OR11A1: variants seen among roughly 807,000 people sequenced by gnomAD.
OR11A1 encodes olfactory receptor 11A1.
For missense variants in OR11A1, 380 were observed against 378.2 expected (o/e 1.00, Z -0.04); for synonymous variants, 158 against 152.2 (o/e 1.04, Z -0.28).
intron 1 of OR11A1, among the ~76,000 whole-genome samples, chr6:29,452,556 A>G (rs993222894): frequency 2.0e-5 from 3 of 152,176 alleles, no homozygotes; most frequent in Non-Finnish European, 4.4e-5. Flanking sequence ...AACAATAAAA[A>G]TGACTGCCAA....
intron 4 of OR11A1, chr6:29,428,189 C>T: frequency 1.0e-6 from 1 of 969,598 alleles, no homozygotes. Context: ...TTTCATTCCC[C>T]ATCTCCTAAT....
rs368881018 is a variant in OR11A1, at chr6:29,440,701, C to G, written c.-388-8714G>C. On this transcript the variant is annotated intron_variant, in intron 1 of 4. Coordinates refer to ENST00000377149, the MANE Select transcript of OR11A1 (RefSeq NM_001394828.1). ...CTCGTTACCATCTTCCGGATCCCAT[C>G]TGTTGCGGGCCGCCGCAAGGCCTTC... 3.1e-6 allele frequency: 5 copies of G among 1,614,052 alleles called. No homozygotes were observed. In the African/African-American group the frequency reaches 4.0e-5, roughly 13 times the overall value.
chr6:29,428,258 T>C (rs1195631762), intron 4 of OR11A1: 26 of 985,336 alleles, frequency 2.6e-5, no homozygotes, highest in Non-Finnish European at 3.1e-5. Context: ...ACTTATTGCC[T>C]TCCTTAAATA....
chr6:29,430,151 C>T (rs1783137638), intron 3 of OR11A1, 150 bp downstream of exon 3: 12 of 376,740 alleles, frequency 3.2e-5, no homozygotes, highest in Non-Finnish European at 4.0e-5. Flanking sequence ...AAGATATATT[C>T]TCAATGAATA....
intron 1 of OR11A1, among the ~76,000 whole-genome samples, chr6:29,446,617 C>G (rs189351481): frequency 1.3e-5 from 2 of 152,154 alleles, no homozygotes; most frequent in African/African-American, 4.8e-5. Flanking sequence ...GAGAAACAAG[C>G]CTCAAGGCAC....
At chr6:29,430,458 C>T (rs1359465764) in intron 2 of OR11A1, 33 bp from the exon 3 acceptor site, 2 of 984,704 alleles carry the variant, frequency 2.0e-6, no homozygotes, top group African/African-American at 3.5e-5. Flanking sequence ...GTAAATCAGG[C>T]AAGAATACCT....
At chr6:29,455,211 C>A (rs1785935892) in intron 1 of OR11A1, among the ~76,000 whole-genome samples, 1 of 152,062 alleles carries the variant, frequency 6.6e-6, no homozygotes, top group Non-Finnish European at 1.5e-5. Context: ...AGACGCCATT[C>A]AAATTGAAAC....
intron 1 of OR11A1, chr6:29,439,422 G>A (rs928451530): frequency 2.0e-5 from 3 of 152,276 alleles, no homozygotes; most frequent in Non-Finnish European, 1.5e-5. Flanking sequence ...AGCTTAAAAA[G>A]AGAGGATCTT....
At position 29,440,910 on chromosome 6, in the gene OR11A1, G is replaced by T. The variant is rs764878659; in HGVS notation, c.-388-8923C>A. Reference sequence around the variant, plus strand: ...CCTGCGGAACACAGAGGTCAAAGCTGCCCTAAAGAGAACCATCCAGAAAAC... The same window carrying T: ...CCTGCGGAACACAGAGGTCAAAGCTTCCCTAAAGAGAACCATCCAGAAAAC... On this transcript the variant is annotated intron_variant, in intron 1 of 4. Transcript: ENST00000377149. 25 of 1,613,276 alleles carry T rather than the reference G, an allele frequency of 1.5e-5. No homozygotes were observed. In the South Asian group the frequency reaches 2.5e-4, roughly 16 times the overall value.
At chr6:29,449,946 A>G (rs1785183566) in intron 1 of OR11A1, among the ~76,000 whole-genome samples, 2 of 152,170 alleles carry the variant, frequency 1.3e-5, no homozygotes, top group African/African-American at 4.8e-5. Context: ...CCAAATGACC[A>G]TCTTTCTTAC....
chr6:29,449,777 C>T (rs1785153479), intron 1 of OR11A1, among the ~76,000 whole-genome samples: 1 of 152,144 alleles, frequency 6.6e-6, no homozygotes, highest in African/African-American at 2.4e-5. Context: ...GCTGGGACTA[C>T]AGGCATGCAC....
chr6:29,440,786 C>A (rs1329537836), intron 1 of OR11A1: 1 of 1,614,038 alleles, frequency 6.2e-7, no homozygotes, highest in Admixed American at 1.7e-5. Flanking sequence ...CACTCTTTAT[C>A]TATATTCGCC....
intron 1 of OR11A1, chr6:29,440,470 T>A (rs1269993180): frequency 7.4e-6 from 12 of 1,613,738 alleles, no homozygotes; most frequent in Non-Finnish European, 9.3e-6. Context: ...GCCTGTGGGG[T>A]GCTGGTGGGG....
chr6:29,441,905 G>A (rs1784229257), intron 1 of OR11A1, among the ~76,000 whole-genome samples: 1 of 152,132 alleles, frequency 6.6e-6, no homozygotes, highest in African/African-American at 2.4e-5. Flanking sequence ...TTGCTGCAAA[G>A]GACATAATCT....
Position 29,426,548 on chromosome 6 carries a change from G to T in OR11A1, c.*146C>A. The T allele has an allele frequency of 1.7e-6, 1 of 605,870 alleles. No individual in the cohort carries two copies. The highest frequency in any genetic ancestry group is 2.8e-6 in the Non-Finnish European group (1 of 353,318). 37.5% of individuals were successfully genotyped at this position (605,870 alleles called of 1,614,324 possible). A position where few individuals can be genotyped will look rare whatever the true frequency, so the allele number is the denominator to read the frequency against. On this transcript the variant is annotated 3_prime_UTR_variant, in exon 5 of 5. Coordinates refer to ENST00000377149, the MANE Select transcript of OR11A1 (RefSeq NM_001394828.1). Reference sequence around the variant, plus strand: ...TTAAAATAAAAGTTAAAAAATTGTTGCCCTATCATTTTCATTTTTAGTATA... The same window carrying T: ...TTAAAATAAAAGTTAAAAAATTGTTTCCCTATCATTTTCATTTTTAGTATA...
At chr6:29,445,028 C>T (rs1461558043) in intron 1 of OR11A1, among the ~76,000 whole-genome samples, 6 of 151,816 alleles carry the variant, frequency 4.0e-5, no homozygotes. Flanking sequence ...TTTTTTTTGA[C>T]AGGATTTTAC....
chr6:29,427,575 G>A lies in OR11A1; in HGVS notation c.67C>T (p.Pro23Ser). Reference sequence around the variant, plus strand: ...ATAAAAAACAAGAAATGCAGTTCAGGGATGTCATAGAAGCCAAGGAGGACA... The same window carrying A: ...ATAAAAAACAAGAAATGCAGTTCAGAGATGTCATAGAAGCCAAGGAGGACA... ...EFVLLGFYDI[P>S]ELHFLFFIVF... Residue 23 changes from proline (P) to serine (S), a missense_variant, in exon 5 of 5, where the codon CCT (proline) becomes TCT (serine). Physicochemically the swap from Pro to Ser is moderately conservative, Grantham distance 74. Transcript: ENST00000377149. 1 of 1,612,992 alleles carries A rather than the reference G, an allele frequency of 6.2e-7. No individual in the cohort carries two copies. The highest frequency in any genetic ancestry group is 1.3e-5 in the African/African-American group (1 of 75,020).
chr6:29,433,164 C>T (rs1192341118), intron 1 of OR11A1, among the ~76,000 whole-genome samples: 1 of 152,088 alleles, frequency 6.6e-6, no homozygotes, highest in East Asian at 1.9e-4. Flanking sequence ...TGAACCATTA[C>T]CTCACATACT....
intron 1 of OR11A1, among the ~76,000 whole-genome samples, chr6:29,445,873 C>G (rs76896681): frequency 6.6e-6 from 1 of 152,022 alleles, no homozygotes; most frequent in Non-Finnish European, 1.5e-5. Context: ...TCAGGGAAGA[C>G]TAGGAAAGAG....
Sources: allele counts gnomAD v4.1 joint callset (sites outside exome capture counted in the v4.1 genomes callset), GRCh38; gene constraint gnomAD v4.1.1; transcripts MANE v1.5; gene names NCBI Gene and HGNC (gene_info 2026-07-23, HGNC 2026-07-21).